Variants in CNBD1 observed in about 807,000 individuals in gnomAD.
The protein encoded by CNBD1 is cyclic nucleotide binding domain containing 1, also known as cyclic nucleotide-binding domain-containing protein 1.
CNBD1 carries 71 observed loss-of-function variants against 54.4 expected under a neutral mutation model. That is an observed-to-expected ratio of 1.30 (90% CI 1.08 to 1.59). CNBD1 has a LOEUF of 1.59. Among genes scored for constraint, CNBD1 ranks in the 40% most tolerant of loss-of-function variants. The probability of loss-of-function intolerance (pLI) is 0.00; values close to 1 mark genes in which losing one functional copy is unlikely to be tolerated. For missense variants in CNBD1, 659 were observed against 518.0 expected (o/e 1.27, Z -2.64); for synonymous variants, 182 against 170.7 (o/e 1.07, Z -0.51).
At chr8:87,020,237 A>C (rs914875023) in intron 4 of CNBD1, among the ~76,000 whole-genome samples, 1 of 152,016 alleles carries the variant, frequency 6.6e-6, no homozygotes, top group African/African-American at 2.4e-5. Flanking sequence ...TTTTAAACAA[A>C]CCCTAGGCCT....
chr8:87,414,022 G>C (rs1169898253), intron 2 of CNBD1, among the ~76,000 whole-genome samples: 3 of 152,034 alleles, frequency 2.0e-5, no homozygotes, highest in Non-Finnish European at 4.4e-5. Flanking sequence ...CCATTACTGG[G>C]TATATACCCA....
At chr8:87,156,163 T>G (rs1812729592) in intron 4 of CNBD1, among the ~76,000 whole-genome samples, 1 of 150,772 alleles carries the variant, frequency 6.6e-6, no homozygotes, top group Admixed American at 6.6e-5. Flanking sequence ...AAATACTTCA[T>G]AGATGTGAAA....
intron 3 of CNBD1, among the ~76,000 whole-genome samples, chr8:86,938,585 G>A (rs920113669): frequency 6.6e-6 from 1 of 152,128 alleles, no homozygotes; most frequent in South Asian, 2.1e-4. Flanking sequence ...TTGTGTAGGC[G>A]AACTCTCCTT....
chr8:86,982,761 C>T (rs1022113947), intron 4 of CNBD1, among the ~76,000 whole-genome samples: 8 of 151,922 alleles, frequency 5.3e-5, no homozygotes, highest in Admixed American at 5.2e-4. Context: ...ATTGTTTTGC[C>T]TTTTCTAAGT....
At chr8:87,398,305 C>G (rs1289597996) in intron 2 of CNBD1, among the ~76,000 whole-genome samples, 1 of 151,600 alleles carries the variant, frequency 6.6e-6, no homozygotes, top group African/African-American at 2.4e-5. Flanking sequence ...CTAGTACCAT[C>G]CAATTTTATT....
chr8:87,351,208 G>T (rs993298675), intron 8 of CNBD1, among the ~76,000 whole-genome samples: 4 of 152,206 alleles, frequency 2.6e-5, no homozygotes, highest in Non-Finnish European at 5.9e-5. Flanking sequence ...TGGCCTCAAA[G>T]CCCTTGTTTT....
chr8:87,332,386 A>G lies in CNBD1; in HGVS notation c.1043-19299A>G, dbSNP rs1196628952. Among the ~76,000 whole-genome samples, 5 of 151,666 alleles carry G rather than the reference A, an allele frequency of 3.3e-5. No individual in the cohort carries two copies. The East Asian group carries it at 9.7e-4, about 29-fold the overall frequency. On this transcript the variant is annotated intron_variant, in intron 8 of 10. Coordinates refer to ENST00000518476, the MANE Select transcript of CNBD1 (RefSeq NM_173538.3). ...AAAAAAGAAACTCTTTAGTTTAATT[A>G]GGTCCCATTTGTCAGTTTTAGCGTT...
At chr8:87,146,128 G>A (rs1455125640) in intron 4 of CNBD1, among the ~76,000 whole-genome samples, 1 of 151,994 alleles carries the variant, frequency 6.6e-6, no homozygotes, top group African/African-American at 2.4e-5. Context: ...ATAGTGCCCA[G>A]TGTCCTCTGT....
intron 6 of CNBD1, among the ~76,000 whole-genome samples, chr8:87,276,123 T>C (rs1210255097): frequency 6.6e-6 from 1 of 151,944 alleles, no homozygotes; most frequent in Non-Finnish European, 1.5e-5. Context: ...CTAATACGTA[T>C]ATATAGTATA....
intron 6 of CNBD1, among the ~76,000 whole-genome samples, chr8:87,272,868 T>A (rs1221270880): frequency 1.3e-5 from 2 of 152,006 alleles, no homozygotes; most frequent in Non-Finnish European, 1.5e-5. Flanking sequence ...CACTAACAAC[T>A]TCTTTAATTA....
At chr8:86,937,757 G>A (rs1314718505) in intron 3 of CNBD1, among the ~76,000 whole-genome samples, 3 of 152,040 alleles carry the variant, frequency 2.0e-5, no homozygotes, top group Non-Finnish European at 2.9e-5. Flanking sequence ...AGGCCCTGTG[G>A]CTTGTGATGG....
At chr8:86,897,841 A>G (rs1256719321) in intron 2 of CNBD1, among the ~76,000 whole-genome samples, 1 of 152,166 alleles carries the variant, frequency 6.6e-6, no homozygotes, top group East Asian at 1.9e-4. Context: ...TTACATGCCC[A>G]GTACCCTAAA....
At chr8:87,114,723 G>T (rs184509950) in intron 4 of CNBD1, among the ~76,000 whole-genome samples, 2 of 152,118 alleles carry the variant, frequency 1.3e-5, no homozygotes, top group African/African-American at 4.8e-5. Flanking sequence ...TGCAAGTACC[G>T]TGTCTGCTGT....
At chr8:87,086,861 G>A (rs532033565) in intron 4 of CNBD1, among the ~76,000 whole-genome samples, 5 of 152,108 alleles carry the variant, frequency 3.3e-5, no homozygotes, top group African/African-American at 1.2e-4. Flanking sequence ...ATTAATTATT[G>A]CCTTCATTTG....
At chr8:87,381,599 A>G (rs1298536897) in intron 10 of CNBD1, among the ~76,000 whole-genome samples, 1 of 152,058 alleles carries the variant, frequency 6.6e-6, no homozygotes, top group Admixed American at 6.6e-5. Context: ...CATTATGCAT[A>G]ATAGCTAATA....
chr8:86,950,032 C>G (rs1393957134), intron 4 of CNBD1, among the ~76,000 whole-genome samples: 1 of 95,878 alleles, frequency 1.0e-5, no homozygotes, highest in Non-Finnish European at 1.9e-5. Flanking sequence ...TCTCAGCTCA[C>G]TGCAACCTCT....
intron 10 of CNBD1, among the ~76,000 whole-genome samples, chr8:87,363,932 G>A (rs1389969228): frequency 6.7e-6 from 1 of 149,726 alleles, no homozygotes; most frequent in Non-Finnish European, 1.5e-5. Context: ...CCTTGCCCAT[G>A]CCTATGTCCT....
chr8:87,247,687 C>G (rs13274047), intron 6 of CNBD1, among the ~76,000 whole-genome samples: 48,597 of 152,004 alleles, frequency 0.32, 8,722 homozygotes, highest in Middle Eastern at 0.42. Context: ...AGTGATCTAC[C>G]TTTAGAAAGC....
intron 5 of CNBD1, among the ~76,000 whole-genome samples, chr8:87,210,132 C>G (rs1814062383): frequency 6.6e-6 from 1 of 152,186 alleles, no homozygotes; most frequent in Admixed American, 6.5e-5. Flanking sequence ...TGAGTGACGA[C>G]TTACAGTATC....
Sources: allele counts gnomAD v4.1 joint callset (sites outside exome capture counted in the v4.1 genomes callset), GRCh38; gene constraint gnomAD v4.1.1; transcripts MANE v1.5; gene names NCBI Gene and HGNC (gene_info 2026-07-23, HGNC 2026-07-21).